The following GSK3B variants were observed in gnomAD, a reference collection of about 807,000 sequenced individuals.
The protein encoded by GSK3B is glycogen synthase kinase-3 beta.
A neutral mutation model predicts 56.4 loss-of-function variants in GSK3B; 15 were observed. The ratio of observed to expected loss-of-function variants is 0.27; its 90% CI spans 0.18 to 0.41. The LOEUF (loss-of-function observed/expected upper bound fraction) is 0.41, where lower values mean the gene tolerates loss of function less well. GSK3B is among the 10% of genes least tolerant of loss of function. The pLI, the probability that GSK3B is intolerant of heterozygous loss-of-function variation, is 1.00. For synonymous variants in GSK3B, 181 were observed against 188.9 expected (o/e 0.96, Z 0.34); for missense variants, 300 against 513.4 (o/e 0.58, Z 4.02).
intron 2 of GSK3B, among the ~76,000 whole-genome samples, chr3:119,971,036 C>A (rs987547464): frequency 6.6e-6 from 1 of 152,080 alleles, no homozygotes; most frequent in African/African-American, 2.4e-5. Flanking sequence ...ATATTCTTTT[C>A]AGAATAATAT....
chr3:119,878,728 T>C (rs1191244888), intron 7 of GSK3B, among the ~76,000 whole-genome samples: 1 of 151,968 alleles, frequency 6.6e-6, no homozygotes, highest in African/African-American at 2.4e-5. Flanking sequence ...ATCAAGTAAA[T>C]AAATGGTACA....
rs567568783 is a variant in GSK3B, at chr3:119,889,286, C to T, written c.814-12778G>A. On this transcript the variant is annotated intron_variant, in intron 7 of 10. Coordinates refer to ENST00000264235, the MANE Select transcript of GSK3B (RefSeq NM_001146156.2). Reference sequence around the variant, plus strand: ...CTTTGTACTCTTTCTCTTTATTTCTCAGCCAGCCGACACTCATGGAAAATA... The same window carrying T: ...CTTTGTACTCTTTCTCTTTATTTCTTAGCCAGCCGACACTCATGGAAAATA... Among the ~76,000 whole-genome samples the T allele has an allele frequency of 7.9e-5, 12 of 152,202 alleles. 1 individual carries two copies. The South Asian group carries it at 1.9e-3, about 24-fold the overall frequency.
intron 1 of GSK3B, among the ~76,000 whole-genome samples, chr3:120,090,386 C>A (rs1390290995): frequency 6.6e-6 from 1 of 152,130 alleles, no homozygotes; most frequent in Non-Finnish European, 1.5e-5. Flanking sequence ...CAGTAACTAA[C>A]TGCTGTCTGA....
chr3:120,061,429 G>C (rs2058235711), intron 1 of GSK3B, among the ~76,000 whole-genome samples: 1 of 152,094 alleles, frequency 6.6e-6, no homozygotes, highest in Non-Finnish European at 1.5e-5. Flanking sequence ...TTTGCAATGT[G>C]CTATTTTCAC....
intron 2 of GSK3B, among the ~76,000 whole-genome samples, chr3:119,996,596 GT>G (rs61610113): frequency 0.077 from 10,850 of 140,198 alleles, 508 homozygotes; most frequent in African/African-American, 0.15. Flanking sequence ...TTTATTTAGT[GT>G]TTTTTTTTTT....
At chr3:120,087,942 G>C (rs1368465594) in intron 1 of GSK3B, among the ~76,000 whole-genome samples, 1 of 152,032 alleles carries the variant, frequency 6.6e-6, no homozygotes, top group East Asian at 1.9e-4. Flanking sequence ...GCCCAGGCTG[G>C]AGTGCAGTGG....
intron 1 of GSK3B, among the ~76,000 whole-genome samples, chr3:120,059,593 C>T (rs747471742): frequency 8.5e-5 from 13 of 152,120 alleles, no homozygotes; most frequent in Non-Finnish European, 1.3e-4. Flanking sequence ...ACACAAAGTC[C>T]CTGGAGGTGA....
At chr3:119,977,817 C>A (rs1297943673) in intron 2 of GSK3B, among the ~76,000 whole-genome samples, 5 of 151,994 alleles carry the variant, frequency 3.3e-5, no homozygotes, top group Non-Finnish European at 5.9e-5. Flanking sequence ...TAACTTACAA[C>A]CTTAAGAATA....
chr3:119,997,003 G>A (rs1160232967), intron 2 of GSK3B, among the ~76,000 whole-genome samples: 1 of 151,930 alleles, frequency 6.6e-6, no homozygotes, highest in Non-Finnish European at 1.5e-5. Context: ...AGATCATAGG[G>A]AAAAAAACCA....
In GSK3B at chr3:120,041,698, A is replaced by AT. The variant is rs2058066039; in HGVS notation, c.89-39460dup. Reference sequence around the variant, plus strand: ...AAGCACACATGTTTAGATTTAATTGATTACCATACAAAGGTCCGGCCAAAG... The same window carrying AT: ...AAGCACACATGTTTAGATTTAATTGATTTACCATACAAAGGTCCGGCCAAAG... On this transcript the variant is annotated intron_variant, in intron 1 of 10. Transcript: ENST00000264235. 2.0e-5 allele frequency among the ~76,000 whole-genome samples: 3 copies of AT among 152,336 alleles called. No individual in the cohort carries two copies. The South Asian group carries it at 6.2e-4, about 32-fold the overall frequency.
Position 120,093,968 on chromosome 3 carries a change from C to T in GSK3B, c.-534G>A, listed in dbSNP as rs199796429. 1.5e-3 allele frequency: 319 copies of T among 210,214 alleles called. No homozygotes were observed. The highest frequency in any genetic ancestry group is 7.0e-3 in the African/African-American group (308 of 43,866). The allele number at this position is 210,214 out of a possible 1,614,324, so 13.0% of individuals were successfully genotyped here. On this transcript the variant is annotated 5_prime_UTR_variant, in exon 1 of 11. Coordinates refer to ENST00000264235, the MANE Select transcript of GSK3B (RefSeq NM_001146156.2). ...GAAACGCTGCAGCTCCGGCAAGCCG[C>T]GGGATCCGGCGGGCTGACGGCAGGG...
chr3:119,893,391 A>G (rs1392715155), intron 7 of GSK3B, among the ~76,000 whole-genome samples: 1 of 152,112 alleles, frequency 6.6e-6, no homozygotes, highest in African/African-American at 2.4e-5. Context: ...CCCCTATACT[A>G]TATGATTACA....
intron 1 of GSK3B, among the ~76,000 whole-genome samples, chr3:120,005,059 A>C (rs1236912210): frequency 6.6e-6 from 1 of 152,078 alleles, no homozygotes; most frequent in African/African-American, 2.4e-5. Context: ...TAACTAGAAT[A>C]AACAGTGTAG....
chr3:120,092,742 G>C (rs1306972305), intron 1 of GSK3B, among the ~76,000 whole-genome samples: 1 of 152,142 alleles, frequency 6.6e-6, no homozygotes, highest in Non-Finnish European at 1.5e-5. Flanking sequence ...GCTCCCACTA[G>C]TCCCTTCTAA....
intron 1 of GSK3B, among the ~76,000 whole-genome samples, chr3:120,005,497 G>A (rs759988231): frequency 6.6e-6 from 1 of 152,128 alleles, no homozygotes; most frequent in Non-Finnish European, 1.5e-5. Flanking sequence ...AGGTTTAAAT[G>A]AAGGAAAAAA....
chr3:119,937,693 T>C (rs1027977736), intron 3 of GSK3B, among the ~76,000 whole-genome samples: 2 of 151,762 alleles, frequency 1.3e-5, no homozygotes, highest in African/African-American at 4.9e-5. Context: ...AAATCATTAA[T>C]CTAACTCTAC....
intron 3 of GSK3B, among the ~76,000 whole-genome samples, chr3:119,929,315 A>G (rs2056920523): frequency 6.6e-6 from 1 of 152,194 alleles, no homozygotes; most frequent in Admixed American, 6.5e-5. Context: ...ACAGATGTCA[A>G]AACCATTTTT....
At chr3:119,931,088 A>G (rs1026141890) in intron 3 of GSK3B, among the ~76,000 whole-genome samples, 12 of 152,362 alleles carry the variant, frequency 7.9e-5, no homozygotes, top group Admixed American at 4.6e-4. Flanking sequence ...AGGAAACACC[A>G]TATGTAGGGA....
intron 3 of GSK3B, among the ~76,000 whole-genome samples, chr3:119,928,610 AAT>A (rs1414671081): frequency 0.017 from 1,655 of 95,784 alleles, 102 homozygotes; most frequent in East Asian, 0.067. Context: ...ATATCAAAAA[AAT>A]AAAAAAAAAA....
Sources: allele counts gnomAD v4.1 joint callset (sites outside exome capture counted in the v4.1 genomes callset), GRCh38; gene constraint gnomAD v4.1.1; transcripts MANE v1.5; gene names NCBI Gene and HGNC (gene_info 2026-07-23, HGNC 2026-07-21).